Variants in MCU observed in about 807,000 individuals in gnomAD.
The protein encoded by MCU is calcium uniporter protein, mitochondrial.
MCU carries 12 observed loss-of-function variants against 45.2 expected under a neutral mutation model. The ratio of observed to expected loss-of-function variants is 0.27; its 90% CI spans 0.17 to 0.43. The LOEUF is 0.43. Ranked by LOEUF, MCU falls within the 20% of genes least tolerant of loss-of-function variation. The pLI is 1.00. For missense variants in MCU, 324 were observed against 436.7 expected, an observed-to-expected ratio of 0.74 and a Z score of 2.30; for synonymous variants, 160 against 165.1, an observed-to-expected ratio of 0.97 and a Z score of 0.24.
intron 6 of MCU, among the ~76,000 whole-genome samples, chr10:72,881,692 G>GA (rs1845703924): frequency 2.0e-5 from 3 of 152,126 alleles, no homozygotes; most frequent in Admixed American, 2.0e-4. Context: ...GACTCCACTA[G>GA]AAAAAATGGC....
At chr10:72,771,400 C>T (rs1382371278) in intron 1 of MCU, among the ~76,000 whole-genome samples, 3 of 152,118 alleles carry the variant, frequency 2.0e-5, no homozygotes, top group Non-Finnish European at 2.9e-5. Flanking sequence ...CATAGTATTC[C>T]ATGGTGTATA....
chr10:72,805,045 C>A (rs948236221), intron 1 of MCU, among the ~76,000 whole-genome samples: 3 of 152,244 alleles, frequency 2.0e-5, no homozygotes, highest in African/African-American at 4.8e-5. Flanking sequence ...TGTGGAATTA[C>A]AGGCATGAGC....
At chr10:72,837,749 C>A (rs1294252283) in intron 2 of MCU, among the ~76,000 whole-genome samples, 1 of 151,974 alleles carries the variant, frequency 6.6e-6, no homozygotes, top group Non-Finnish European at 1.5e-5. Flanking sequence ...GGTTTCCCTT[C>A]ATGTTAGTGG....
At chr10:72,759,247 G>T (rs1232859532) in intron 1 of MCU, among the ~76,000 whole-genome samples, 1 of 152,160 alleles carries the variant, frequency 6.6e-6, no homozygotes, top group East Asian at 1.9e-4. Flanking sequence ...AAGGGGGTGC[G>T]TGTGAGAGGG....
chr10:72,877,898 G>A (rs1002464156), intron 6 of MCU, among the ~76,000 whole-genome samples: 8 of 152,004 alleles, frequency 5.3e-5, no homozygotes, highest in African/African-American at 1.9e-4. Context: ...GGCTACCATT[G>A]TAGAATAAGG....
At chr10:72,849,307 C>G (rs569838616) in intron 2 of MCU, among the ~76,000 whole-genome samples, 93 of 150,258 alleles carry the variant, frequency 6.2e-4, no homozygotes, top group African/African-American at 2.2e-3. Context: ...CGAATGAAAG[C>G]ACATGATGAC....
At chr10:72,874,954 G>A (rs768514495) in intron 6 of MCU, among the ~76,000 whole-genome samples, 13 of 152,082 alleles carry the variant, frequency 8.5e-5, no homozygotes, top group African/African-American at 1.2e-4. Flanking sequence ...TATTAAGTAC[G>A]TTTTGCTAAG....
At chr10:72,879,882 T>C (rs1267553951) in intron 6 of MCU, among the ~76,000 whole-genome samples, 1 of 151,924 alleles carries the variant, frequency 6.6e-6, no homozygotes, top group African/African-American at 2.4e-5. Flanking sequence ...CCTGTCTTTA[T>C]TAAAAATATA....
chr10:72,775,408 G>A (rs532158726), intron 1 of MCU, among the ~76,000 whole-genome samples: 1 of 152,028 alleles, frequency 6.6e-6, no homozygotes, highest in Non-Finnish European at 1.5e-5. Flanking sequence ...TAAGAGGGAA[G>A]TTTATGATGA....
chr10:72,849,255 T>TG (rs1259233506), intron 2 of MCU, among the ~76,000 whole-genome samples: 1 of 133,548 alleles, frequency 7.5e-6, no homozygotes, highest in African/African-American at 2.9e-5. Context: ...CACTCCAGCG[T>TG]GGGTGATAGA....
In MCU at chr10:72,875,802, T is replaced by C. The variant is rs117249076; in HGVS notation, c.861+4222T>C. On this transcript the variant is annotated intron_variant, in intron 6 of 7. Transcript: ENST00000373053. ...AGAACCTGAGTACTGATTTCTATTA[T>C]GTGGAAAAGGAGCTGGGCAGTAAGA... Among the ~76,000 whole-genome samples, 338 of 152,332 alleles carry C rather than the reference T, an allele frequency of 2.2e-3. 2 individuals are homozygous for C. Among genetic ancestry groups the C allele is most frequent in the Admixed American group, 8.0e-3 (123 of 15,306 alleles).
At chr10:72,714,393 C>T (rs1842934028) in intron 1 of MCU, among the ~76,000 whole-genome samples, 1 of 107,462 alleles carries the variant, frequency 9.3e-6, no homozygotes, top group South Asian at 3.0e-4. Flanking sequence ...TTGCTTGTTG[C>T]CCAGGCCCAG....
At chr10:72,786,461 A>G (rs1844072248) in intron 1 of MCU, among the ~76,000 whole-genome samples, 1 of 152,162 alleles carries the variant, frequency 6.6e-6, no homozygotes, top group African/African-American at 2.4e-5. Context: ...ATTTTGAAGC[A>G]TGGCTGGGTG....
At chr10:72,788,641 A>G (rs1278460932) in intron 1 of MCU, among the ~76,000 whole-genome samples, 34 of 152,072 alleles carry the variant, frequency 2.2e-4, no homozygotes, top group Admixed American at 2.2e-3. Context: ...GACCCTGTCT[A>G]AAAAAACAAA....
At chr10:72,763,096 C>G (rs1405619619) in intron 1 of MCU, among the ~76,000 whole-genome samples, 1 of 152,084 alleles carries the variant, frequency 6.6e-6, no homozygotes, top group Non-Finnish European at 1.5e-5. Flanking sequence ...GGAGCTGGAA[C>G]AGGTTTTCTG....
intron 1 of MCU, among the ~76,000 whole-genome samples, chr10:72,821,420 A>G (rs1844710355): frequency 6.6e-6 from 1 of 152,100 alleles, no homozygotes; most frequent in Non-Finnish European, 1.5e-5. Flanking sequence ...CTTCTAGAAA[A>G]CTGGTTTAAA....
intron 1 of MCU, among the ~76,000 whole-genome samples, chr10:72,698,615 C>T (rs922513503): frequency 6.4e-4 from 97 of 152,276 alleles, no homozygotes; most frequent in African/African-American, 2.3e-3. Context: ...AGCAATTCTT[C>T]TGCCTTAGCC....
intron 1 of MCU, among the ~76,000 whole-genome samples, chr10:72,755,561 A>C (rs1049020976): frequency 6.6e-5 from 10 of 152,230 alleles, no homozygotes; most frequent in Non-Finnish European, 1.2e-4. Context: ...TAAATACATG[A>C]AGCATTTAGA....
At chr10:72,754,473 G>A (rs1028466816) in intron 1 of MCU, among the ~76,000 whole-genome samples, 1 of 152,184 alleles carries the variant, frequency 6.6e-6, no homozygotes, top group African/African-American at 2.4e-5. Flanking sequence ...ACTGGAGGCG[G>A]GGCATGCTGA....
Sources: gnomAD v4.1 joint callset for allele counts (sites outside exome capture counted in the v4.1 genomes callset) on GRCh38, gnomAD v4.1.1 for gene constraint, MANE v1.5 for transcripts, NCBI Gene and HGNC (gene_info 2026-07-23, HGNC 2026-07-21) for gene names.